LDLRAD3: variants seen among roughly 807,000 people sequenced by gnomAD.
The protein encoded by LDLRAD3 is low density lipoprotein receptor class A domain containing 3, also known as low-density lipoprotein receptor class A domain-containing protein 3.
A neutral mutation model predicts 29.4 loss-of-function variants in LDLRAD3; 20 were observed. The ratio of observed to expected loss-of-function variants is 0.68; its 90% CI spans 0.48 to 0.99. LDLRAD3 has a LOEUF of 0.99. LDLRAD3 is among the 50% of genes least tolerant of loss of function. The pLI is 0.00. For synonymous variants in LDLRAD3, 157 were observed against 192.7 expected, an observed-to-expected ratio of 0.81 and a Z score of 1.53; for missense variants, 420 against 454.3, an observed-to-expected ratio of 0.92 and a Z score of 0.69.
chr11:35,998,547 C>T (rs1851783482), intron 1 of LDLRAD3, among the ~76,000 whole-genome samples: 1 of 152,014 alleles, frequency 6.6e-6, no homozygotes, highest in Non-Finnish European at 1.5e-5. Context: ...AACAACAAAA[C>T]AAAAAACAGT....
In LDLRAD3 at chr11:36,229,510, A is replaced by T. The variant is rs921326186; in HGVS notation, c.*113A>T. The T allele has an allele frequency of 1.8e-5, 13 of 729,964 alleles. No individual in the cohort carries two copies. In the Admixed American group the frequency reaches 2.5e-4, roughly 14 times the overall value. 45.2% of individuals were successfully genotyped at this position (729,964 alleles called of 1,614,324 possible). A position where few individuals can be genotyped will look rare whatever the true frequency, so the allele number is the denominator to read the frequency against. ...CACCTGTAAGGGTGTCTCAAGTTAC[A>T]GTTTGGGATATTAACTATCTCTGCA... On this transcript the variant is annotated 3_prime_UTR_variant, in exon 6 of 6. Transcript: ENST00000315571.
At chr11:36,152,348 C>G (rs554389530) in intron 4 of LDLRAD3, among the ~76,000 whole-genome samples, 6 of 152,206 alleles carry the variant, frequency 3.9e-5, no homozygotes, top group African/African-American at 1.4e-4. Context: ...TCTAATTCAG[C>G]TTTCGTCTCA....
chr11:36,130,721 C>T (rs1433887690), intron 4 of LDLRAD3, among the ~76,000 whole-genome samples: 1 of 152,160 alleles, frequency 6.6e-6, no homozygotes, highest in Non-Finnish European at 1.5e-5. Context: ...ACAGATCAGC[C>T]CACGTAGTCC....
At chr11:35,945,910 G>T (rs1221525766) in intron 1 of LDLRAD3, among the ~76,000 whole-genome samples, 2 of 152,166 alleles carry the variant, frequency 1.3e-5, no homozygotes, top group Admixed American at 1.3e-4. Flanking sequence ...AAATAAAATG[G>T]TCATAGCAAG....
At chr11:35,951,032 G>A (rs747830618) in intron 1 of LDLRAD3, among the ~76,000 whole-genome samples, 2 of 151,984 alleles carry the variant, frequency 1.3e-5, no homozygotes, top group Non-Finnish European at 2.9e-5. Flanking sequence ...GCAGTGAGCC[G>A]AGATCGTGCC....
intron 4 of LDLRAD3, among the ~76,000 whole-genome samples, chr11:36,129,456 T>C (rs1312183144): frequency 1.3e-5 from 2 of 152,120 alleles, no homozygotes; most frequent in Non-Finnish European, 2.9e-5. Flanking sequence ...AACGAGGAAC[T>C]AGGAATGGTC....
chr11:36,013,745 T>A (rs1851984650), intron 1 of LDLRAD3, among the ~76,000 whole-genome samples: 1 of 151,452 alleles, frequency 6.6e-6, no homozygotes, highest in African/African-American at 2.4e-5. Flanking sequence ...TGTTTCCTTT[T>A]CTTCTCAGGA....
At chr11:36,059,358 GAAA>G (rs11304561) in intron 2 of LDLRAD3, among the ~76,000 whole-genome samples, 3 of 136,582 alleles carry the variant, frequency 2.2e-5, no homozygotes, top group African/African-American at 2.7e-5. Flanking sequence ...CCCTGTCTCA[GAAA>G]AAAAAAAAAA....
intron 4 of LDLRAD3, among the ~76,000 whole-genome samples, chr11:36,135,825 G>A (rs568574394): frequency 1.2e-4 from 18 of 152,234 alleles, no homozygotes; most frequent in Non-Finnish European, 5.9e-5. Context: ...CAGGAGAATC[G>A]TTTGAACCCG....
At chr11:36,095,273 T>G (rs185086480) in intron 3 of LDLRAD3, among the ~76,000 whole-genome samples, 16 of 152,338 alleles carry the variant, frequency 1.1e-4, no homozygotes, top group African/African-American at 3.6e-4. Context: ...GGCTTTACTA[T>G]TCCTAAATGG....
At chr11:35,965,043 G>C (rs1851322182) in intron 1 of LDLRAD3, among the ~76,000 whole-genome samples, 1 of 150,878 alleles carries the variant, frequency 6.6e-6, no homozygotes, top group African/African-American at 2.4e-5. Flanking sequence ...AGTGGAGGCA[G>C]CCAACTGAAA....
rs1346156624 is a variant in LDLRAD3, at chr11:36,120,885, G to A, written c.454+22424G>A. Among the ~76,000 whole-genome samples, 3 of 152,182 alleles carry A rather than the reference G, an allele frequency of 2.0e-5. 1 individual carries two copies. Among genetic ancestry groups the A allele is most frequent in the Admixed American group, 2.0e-4 (3 of 15,286 alleles). ...AAAGGGGTACAAGGGAGCACATTCT[G>A]TCTTTCCATTGTGCAAGGACACAGT... On this transcript the variant is annotated intron_variant, in intron 4 of 5. Transcript: ENST00000315571.
At chr11:36,075,644 A>G (rs916699014) in intron 2 of LDLRAD3, among the ~76,000 whole-genome samples, 2 of 152,202 alleles carry the variant, frequency 1.3e-5, no homozygotes, top group Admixed American at 1.3e-4. Flanking sequence ...AGTTATTACA[A>G]TAGTGTCTGC....
At chr11:36,185,649 T>C (rs1004997503) in intron 4 of LDLRAD3, among the ~76,000 whole-genome samples, 2 of 152,208 alleles carry the variant, frequency 1.3e-5, no homozygotes, top group African/African-American at 4.8e-5. Flanking sequence ...CATGGATTAA[T>C]TGGCCTCTCG....
chr11:35,956,485 A>G (rs114608554), intron 1 of LDLRAD3, among the ~76,000 whole-genome samples: 1,804 of 152,286 alleles, frequency 0.012, 41 homozygotes, highest in African/African-American at 0.041. Flanking sequence ...TCTGCATTTT[A>G]ACAAGATCCC....
At chr11:36,019,594 G>A (rs762905348) in intron 1 of LDLRAD3, among the ~76,000 whole-genome samples, 5 of 152,040 alleles carry the variant, frequency 3.3e-5, no homozygotes, top group Non-Finnish European at 7.4e-5. Flanking sequence ...GCAAGCTTTC[G>A]ACTGAACCCC....
intron 2 of LDLRAD3, among the ~76,000 whole-genome samples, chr11:36,037,562 C>T (rs1852320566): frequency 6.6e-6 from 1 of 152,202 alleles, no homozygotes; most frequent in African/African-American, 2.4e-5. Flanking sequence ...ATCCGCCCAC[C>T]TCAGCCTCCC....
chr11:36,149,739 T>C (rs1482544011), intron 4 of LDLRAD3, among the ~76,000 whole-genome samples: 1 of 152,162 alleles, frequency 6.6e-6, no homozygotes, highest in East Asian at 1.9e-4. Context: ...GACCAGGGTA[T>C]GAGGGCACTG....
chr11:36,145,038 G>A (rs1165141500), intron 4 of LDLRAD3, among the ~76,000 whole-genome samples: 6 of 103,330 alleles, frequency 5.8e-5, no homozygotes, highest in Middle Eastern at 7.5e-3. Flanking sequence ...GGGCGCCTCT[G>A]CCCGGCCGCC....
Sources: gnomAD v4.1 joint callset for allele counts (sites outside exome capture counted in the v4.1 genomes callset) on GRCh38, gnomAD v4.1.1 for gene constraint, MANE v1.5 for transcripts, NCBI Gene and HGNC (gene_info 2026-07-23, HGNC 2026-07-21) for gene names.